The following ZNF444 variants were observed in gnomAD, a reference collection of about 807,000 sequenced individuals.
ZNF444 encodes the protein endothelial zinc finger protein 2.
A neutral mutation model predicts 14.4 loss-of-function variants in ZNF444; 8 were observed. The ratio of observed to expected loss-of-function variants is 0.56; its 90% confidence interval spans 0.33 to 1.00. ZNF444 has a LOEUF of 1.00. Among genes scored for constraint, ZNF444 ranks in the 50% least tolerant of loss-of-function variants. The pLI is 0.03. For synonymous variants in ZNF444, 258 were observed against 235.9 expected (o/e 1.09, Z -0.86); for missense variants, 510 against 504.8 (o/e 1.01, Z -0.10).
In ZNF444 at chr19:56,145,443, G is replaced by A. The variant is rs138343889; in HGVS notation, c.-196-804G>A. 1.9e-4 allele frequency among the ~76,000 whole-genome samples: 29 copies of A among 152,144 alleles called. No individual in the cohort carries two copies. Among genetic ancestry groups the A allele is most frequent in the Non-Finnish European group, 2.4e-4 (16 of 68,006 alleles). ...TCTACTAAAAATACAAAAATTATCC[G>A]GACGTGGTAACGCACGTCTATAATC... On this transcript the variant is annotated intron_variant, in intron 1 of 4. Coordinates refer to ENST00000337080, the MANE Select transcript of ZNF444 (RefSeq NM_018337.4). The surrounding 1 kb of genome is among the most constrained non-coding windows in gnomAD (Gnocchi z 4.3).
Position 56,158,600 on chromosome 19 carries a change from TA to T in ZNF444, c.405del (p.Ala136GlnfsTer38), listed in dbSNP as rs2032053427. The T allele has an allele frequency of 6.2e-7, 1 of 1,606,878 alleles. No homozygotes were observed. Among genetic ancestry groups the T allele is most frequent in the South Asian group, 1.1e-5 (1 of 90,154 alleles). On this transcript the variant is annotated frameshift_variant and splice_region_variant, in exon 4 of 5. Coordinates refer to ENST00000337080, the MANE Select transcript of ZNF444 (RefSeq NM_018337.4). LOFTEE classifies it low-confidence loss of function (END_TRUNC). ...AAGGAGGACAGTGGGATGATTCCCT[TA>T]GGTGAGCTGCTGGCCTCTCTGGTTC... Reference protein sequence around the residue: ...GGKEDSGMIPLAGTAPGAEGP... With the variant: ...GGKEDSGMIPXAGTAPGAEGP...
chr19:56,154,097 T>G (rs1457415275), intron 3 of ZNF444, among the ~76,000 whole-genome samples: 1 of 152,104 alleles, frequency 6.6e-6, no homozygotes, highest in Admixed American at 6.5e-5. Context: ...ACGTACACAA[T>G]GCATTCGAAG....
rs1435437805 is a variant in ZNF444 at position 56,153,946 on chromosome 19, A to G, written c.298-4548A>G. ...TTGATAATCAAGGTCCAAACTCAAT[A>G]TTTGAAAAGAATAGTAGAATAGTGC... On this transcript the variant is annotated intron_variant, in intron 3 of 4. Transcript: ENST00000337080. Among the ~76,000 whole-genome samples, 3 of 152,218 alleles carry G rather than the reference A, an allele frequency of 2.0e-5. No individual in the cohort carries two copies. In the East Asian group the frequency reaches 5.8e-4, roughly 29 times the overall value.
chr19:56,148,478 C>T (rs1225426639), intron 3 of ZNF444, among the ~76,000 whole-genome samples: 1 of 152,144 alleles, frequency 6.6e-6, no homozygotes, highest in Non-Finnish European at 1.5e-5. Flanking sequence ...GCCTTCAGTC[C>T]ATGGCAGCCG....
chr19:56,138,453 G>A (rs529787644), upstream of ZNF444, among the ~76,000 whole-genome samples: 325 of 151,762 alleles, frequency 2.1e-3, 1 homozygote, highest in Non-Finnish European at 4.0e-3. Context: ...ATGGCAAAAC[G>A]CTGTCCCTAC....
upstream of ZNF444, among the ~76,000 whole-genome samples, chr19:56,138,770 A>G (rs1214074247): frequency 1.4e-5 from 2 of 147,588 alleles, no homozygotes; most frequent in African/African-American, 5.0e-5. Flanking sequence ...GACAGTAGTG[A>G]TGATTGCACA....
intron 1 of ZNF444, among the ~76,000 whole-genome samples, chr19:56,133,891 G>A (rs113898362): frequency 6.6e-6 from 1 of 151,780 alleles, no homozygotes; most frequent in African/African-American, 2.4e-5. Context: ...GTCAGATAAT[G>A]GGCAATGTGA....
intron 1 of ZNF444, among the ~76,000 whole-genome samples, chr19:56,135,612 G>A (rs537114884): frequency 5.3e-5 from 8 of 152,060 alleles, no homozygotes; most frequent in East Asian, 3.9e-4. Context: ...AGGGCTCCAG[G>A]GCAACTGTTT....
rs1054431382 is a variant in ZNF444, at chr19:56,144,038, G to T, written c.-196-2209G>T. On this transcript the variant is annotated intron_variant, in intron 1 of 4. Transcript: ENST00000337080. The surrounding 1 kb of genome is among the most constrained non-coding windows in gnomAD (Gnocchi z 4.0). ...TAGAAAGTGAGCCAGACCGGGCACA[G>T]TGGCTCACTCCTGTAATCCCAGCAC... 2.6e-5 allele frequency among the ~76,000 whole-genome samples: 4 copies of T among 152,212 alleles called. No homozygotes were observed. Among genetic ancestry groups the T allele is most frequent in the Non-Finnish European group, 4.4e-5 (3 of 68,044 alleles).
intron 3 of ZNF444, chr19:56,151,804 G>C (rs1036246468): frequency 2.2e-6 from 1 of 451,018 alleles, no homozygotes; most frequent in African/African-American, 2.0e-5. Flanking sequence ...ACATCTGGGG[G>C]CGCTGCTGTG....
chr19:56,159,978 A>T lies in ZNF444; in HGVS notation c.761A>T (p.Glu254Val). 4 of 1,511,380 alleles carry T rather than the reference A, an allele frequency of 2.6e-6. No individual in the cohort carries two copies. Among genetic ancestry groups the T allele is most frequent in the Non-Finnish European group, 3.5e-6 (4 of 1,134,808 alleles). The allele number at this position is 1,511,380 out of a possible 1,614,324, so 93.6% of individuals were successfully genotyped here. A position where few individuals can be genotyped will look rare whatever the true frequency, so the allele number is the denominator to read the frequency against. Residue 254 changes from glutamate (E) to valine (V), a missense_variant, in exon 5 of 5, where the codon GAG becomes GTG. By Grantham distance (121) the Glu-to-Val change is moderately radical. Transcript: ENST00000337080. Reference protein sequence around the residue: ...PAREKPHACCECGKTFYWREH... With the variant: ...PAREKPHACCVCGKTFYWREH... ...CGTGAGAAGCCCCACGCGTGCTGCG[A>T]GTGTGGCAAGACCTTCTACTGGCGC...
At chr19:56,159,518 A>G in intron 4 of ZNF444, 106 bp from the exon 5 acceptor site, 1 of 1,006,336 alleles carries the variant, frequency 9.9e-7, no homozygotes, top group Non-Finnish European at 1.4e-6. Context: ...TTCCCACCCC[A>G]ATGGTTTCTG....
chr19:56,155,406 C>G (rs1326120073), intron 3 of ZNF444: 1 of 152,446 alleles, frequency 6.6e-6, no homozygotes, highest in Non-Finnish European at 1.5e-5. Context: ...CTGGCAGAGG[C>G]CGAGCTGATG....
Position 56,160,018 on chromosome 19 carries a change from C to A in ZNF444, c.801C>A (p.Arg267=), listed in dbSNP as rs1192761220. ...TCTACTGGCGCGAGCACCTGGTGCG[C>A]CACCGCAAGACGCACTCGGGAGCGC... The part of the protein sequence containing the change: ...KTFYWREHLV[R]HRKTHSGARP... Residue 267 remains arginine (R), a synonymous_variant, in exon 5 of 5, where the codon CGC becomes CGA. Transcript: ENST00000337080. The A allele has an allele frequency of 2.6e-6, 4 of 1,513,048 alleles. No homozygotes were observed. Among genetic ancestry groups the A allele is most frequent in the Non-Finnish European group, 3.5e-6 (4 of 1,136,392 alleles). The allele number at this position is 1,513,048 out of a possible 1,614,324, so 93.7% of individuals were successfully genotyped here. A position where few individuals can be genotyped will look rare whatever the true frequency, so the allele number is the denominator to read the frequency against.
chr19:56,158,047 G>A (rs2032016599), intron 3 of ZNF444: 1 of 153,826 alleles, frequency 6.5e-6, no homozygotes, highest in Non-Finnish European at 1.4e-5. Flanking sequence ...TTTTGTTAAG[G>A]AGCTTGCACT....
Position 56,147,879 on chromosome 19 carries a change from G to A in ZNF444, c.297+671G>A, listed in dbSNP as rs1250536938. Among the ~76,000 whole-genome samples, 2 of 152,186 alleles carry A rather than the reference G, an allele frequency of 1.3e-5. No homozygotes were observed. Among genetic ancestry groups the A allele is most frequent in the Non-Finnish European group, 2.9e-5 (2 of 68,024 alleles). On this transcript the variant is annotated intron_variant, in intron 3 of 4. Coordinates refer to ENST00000337080, the MANE Select transcript of ZNF444 (RefSeq NM_018337.4). The surrounding 1 kb of genome is among the most constrained non-coding windows in gnomAD (Gnocchi z 5.9). The stretch of plus-strand genomic sequence containing the variant: ...TTTCTTGACCACACAGCAGGCAAGG[G>A]CCGACTCACGTTCTGGGTGAAGTCT...
At chr19:56,143,557 C>T (rs1044480710) in intron 1 of ZNF444, 2 of 152,144 alleles carry the variant, frequency 1.3e-5, no homozygotes, top group African/African-American at 4.8e-5. Context: ...ATGTGCAAGT[C>T]CAGGCTCTGC....
chr19:56,135,198 T>G (rs2030583192), intron 1 of ZNF444, among the ~76,000 whole-genome samples: 1 of 152,138 alleles, frequency 6.6e-6, no homozygotes, highest in South Asian at 2.1e-4. Flanking sequence ...GCCACTGCAC[T>G]CCAGCCTGGG....
chr19:56,134,442 A>AG (rs1330311882), intron 1 of ZNF444, among the ~76,000 whole-genome samples: 1 of 152,160 alleles, frequency 6.6e-6, no homozygotes, highest in Non-Finnish European at 1.5e-5. Flanking sequence ...TCTGTTGCTG[A>AG]GTCGCTCAGC....
Sources: gnomAD v4.1 joint callset for allele counts (sites outside exome capture counted in the v4.1 genomes callset) on GRCh38, gnomAD v4.1.1 for gene constraint, Gnocchi (gnomAD v3.1) non-coding constraint, MANE v1.5 for transcripts, NCBI Gene and HGNC (gene_info 2026-07-23, HGNC 2026-07-21) for gene names.